Variants in MADD observed in about 807,000 individuals in gnomAD.
The protein encoded by MADD is MAP kinase-activating death domain protein.
Under a neutral mutation model 176.7 loss-of-function variants are expected in MADD, and 109 were observed. The ratio of observed to expected loss-of-function variants is 0.62; its 90% CI spans 0.53 to 0.72. The LOEUF is 0.72. Among genes scored for constraint, MADD ranks in the 30% least tolerant of loss-of-function variants. MADD has a pLI of 0.00. For missense variants in MADD, 1,914 were observed against 2,045.5 expected (o/e 0.94, Z 1.24); for synonymous variants, 771 against 771.3 (o/e 1.00, Z 0.01).
intron 22 of MADD, among the ~76,000 whole-genome samples, chr11:47,304,911 A>G (rs1394047004): frequency 6.6e-6 from 1 of 152,082 alleles, no homozygotes; most frequent in Non-Finnish European, 1.5e-5. Context: ...AGACTTTCAC[A>G]TGCAGTTGGG....
chr11:47,295,288 A>G (rs950500629), intron 20 of MADD, among the ~76,000 whole-genome samples: 1 of 152,168 alleles, frequency 6.6e-6, no homozygotes, highest in Non-Finnish European at 1.5e-5. Flanking sequence ...CTAGGACTAC[A>G]GGCGTGAGCC....
At chr11:47,297,233 T>A (rs1010013153) in intron 22 of MADD, among the ~76,000 whole-genome samples, 2 of 152,174 alleles carry the variant, frequency 1.3e-5, no homozygotes, top group Non-Finnish European at 2.9e-5. Flanking sequence ...TGAAACCAAC[T>A]ATTTAAAACT....
chr11:47,281,308 T>G (rs2056496527), intron 7 of MADD, among the ~76,000 whole-genome samples: 1 of 152,272 alleles, frequency 6.6e-6, no homozygotes, highest in Non-Finnish European at 1.5e-5. Flanking sequence ...TAAGATCAAG[T>G]TGCCTTGAGC....
At chr11:47,283,545 G>A (rs1400513534) in intron 10 of MADD, among the ~76,000 whole-genome samples, 1 of 152,038 alleles carries the variant, frequency 6.6e-6, no homozygotes, top group Non-Finnish European at 1.5e-5. Flanking sequence ...GGGACTACAG[G>A]TGCTGCCACC....
chr11:47,324,427 T>TC (rs759838554), intron 29 of MADD, 44 bp from the exon 33 acceptor site: 1 of 1,586,204 alleles, frequency 6.3e-7, no homozygotes, highest in Non-Finnish European at 8.7e-7. Flanking sequence ...GGGGTGGGAT[T>TC]CCCCACCTCA....
intron 1 of MADD, among the ~76,000 whole-genome samples, chr11:47,273,463 C>T (rs554641775): frequency 9.2e-5 from 14 of 152,228 alleles, no homozygotes; most frequent in African/African-American, 2.2e-4. Flanking sequence ...CTCAGACTCC[C>T]GAGTAGCTGG....
intron 30 of MADD, among the ~76,000 whole-genome samples, chr11:47,326,058 A>G (rs902238267): frequency 6.6e-6 from 1 of 152,222 alleles, no homozygotes; most frequent in Non-Finnish European, 1.5e-5. Context: ...CGGTGTGAGG[A>G]CATGCTTGGA....
intron 1 of MADD, chr11:47,271,277 T>C (rs373581092): frequency 6.6e-6 from 1 of 152,136 alleles, no homozygotes; most frequent in African/African-American, 2.4e-5. Flanking sequence ...ATTTAGTCTT[T>C]AGAGGAGTTA....
chr11:47,283,311 T>C (rs887037639), intron 10 of MADD, among the ~76,000 whole-genome samples: 1 of 151,980 alleles, frequency 6.6e-6, no homozygotes, highest in African/African-American at 2.4e-5. Flanking sequence ...GCCAGGATGA[T>C]CTCGATCTCC....
At position 47,285,026 on chromosome 11, in the gene MADD, A is replaced by G. The variant is rs761386687; in HGVS notation, c.2243A>G (p.Lys748Arg). ...CCTTCCGTGCCTCCCAGCATTGGCA[A>G]ATCGAACGTGGACAGACGTCAGGCA... Residue 748 changes from lysine (K) to arginine (R), a missense_variant, in exon 13 of 33, where the codon AAA (lysine) becomes AGA (arginine). Physicochemically the swap from Lys to Arg is conservative, Grantham distance 26. Coordinates refer to ENST00000402192, the Ensembl canonical transcript of MADD. The G allele has an allele frequency of 2.5e-6, 4 of 1,614,034 alleles. No homozygotes were observed. The African/African-American group carries it at 5.3e-5, about 22-fold the overall frequency.
Position 47,328,757 on chromosome 11 carries a change from G to A in MADD, c.4659+53G>A, listed in dbSNP as rs878994592. On this transcript the variant is annotated intron_variant, in intron 32 of 32. Transcript: ENST00000402192. ...CCACGGTGCGCAGGGCTCCCTGGGG[G>A]ACCTTCGGACAGGAGGAGGGGAGGG... 1.4e-5 allele frequency: 22 copies of A among 1,610,582 alleles called. No individual in the cohort carries two copies. The South Asian group carries it at 2.1e-4, about 15-fold the overall frequency.
intron 27 of MADD, among the ~76,000 whole-genome samples, chr11:47,318,917 C>T (rs1285602523): frequency 6.7e-6 from 1 of 148,208 alleles, no homozygotes; most frequent in Non-Finnish European, 1.5e-5. Context: ...AAGCGATTCT[C>T]CTGCCTCAGC....
At chr11:47,326,994 A>G in intron 31 of MADD, 187 bp downstream of exon 35, 1 of 1,359,742 alleles carries the variant, frequency 7.4e-7, no homozygotes, top group African/African-American at 1.5e-5. Flanking sequence ...AAAGATAGAT[A>G]ATGGATCGCA....
At chr11:47,289,335 C>A in intron 15 of MADD, 56 bp from the exon 17 acceptor site, 1 of 1,401,360 alleles carries the variant, frequency 7.1e-7, no homozygotes, top group Non-Finnish European at 1.0e-6. Flanking sequence ...GCTGTGCTGG[C>A]ATGAGCTCCT....
At chr11:47,282,593 A>G (rs2057717814) in exon 9 of MADD, 1 of 1,614,100 alleles carries the variant, frequency 6.2e-7, no homozygotes, top group South Asian at 1.1e-5. Flanking sequence ...CCCACCAACT[A>G]TGCCTTTCAG....
intron 22 of MADD, among the ~76,000 whole-genome samples, chr11:47,302,635 C>T (rs1273284494): frequency 6.6e-6 from 1 of 151,548 alleles, no homozygotes; most frequent in African/African-American, 2.4e-5. Flanking sequence ...CTGTATGTGT[C>T]TTTGCTAGTG....
chr11:47,308,855 C>A, intron 23 of MADD, 125 bp from the exon 26 acceptor site: 1 of 1,065,718 alleles, frequency 9.4e-7, no homozygotes, highest in Non-Finnish European at 1.4e-6. Flanking sequence ...TTACTGGGTC[C>A]AGAACAAGCA....
Position 47,281,553 on chromosome 11 carries a change from GAATTT to G in MADD, c.1291-21_1291-17del. On this transcript the variant is annotated splice_polypyrimidine_tract_variant and intron_variant, in intron 7 of 32. Transcript: ENST00000402192. ...TGCCCAGGGACGTTCCTTGTGTAAG[GAATTT>G]TCTTGTTGTTCCACAGGCCTTGGCC... 1 of 1,579,252 alleles carries G rather than the reference GAATTT, an allele frequency of 6.3e-7. No homozygotes were observed. The highest frequency in any genetic ancestry group is 8.6e-7 in the Non-Finnish European group (1 of 1,156,792).
intron 20 of MADD, among the ~76,000 whole-genome samples, chr11:47,294,342 C>T (rs1167965044): frequency 3.6e-5 from 5 of 139,068 alleles, no homozygotes; most frequent in Non-Finnish European, 6.1e-5. Context: ...AGGTGAAACT[C>T]CATCTCAAAA....
Sources: gnomAD v4.1 joint callset for allele counts (sites outside exome capture counted in the v4.1 genomes callset) on GRCh38, gnomAD v4.1.1 for gene constraint, MANE v1.5 for transcripts, NCBI Gene and HGNC (gene_info 2026-07-23, HGNC 2026-07-21) for gene names.